The following ANKDD1B variants were observed in gnomAD, a reference collection of about 807,000 sequenced individuals.
ANKDD1B encodes ankyrin repeat and death domain containing 1B.
In ANKDD1B, 57 loss-of-function variants were observed where a neutral mutation model predicts 59.7. That is an observed-to-expected ratio of 0.95 (90% confidence interval 0.77 to 1.19). The LOEUF is 1.19. Ranked by LOEUF, ANKDD1B falls within the 50% of genes most tolerant of loss-of-function variation. ANKDD1B has a pLI of 0.00. For synonymous variants in ANKDD1B, 216 were observed against 239.5 expected (o/e 0.90, Z 0.91); for missense variants, 602 against 641.9 (o/e 0.94, Z 0.67).
intron 3 of ANKDD1B, among the ~76,000 whole-genome samples, chr5:75,620,847 C>G (rs1333568797): frequency 6.6e-6 from 1 of 152,184 alleles, no homozygotes; most frequent in Non-Finnish European, 1.5e-5. Flanking sequence ...ATCACTTTCT[C>G]AGGCTCCATC....
intron 3 of ANKDD1B, among the ~76,000 whole-genome samples, chr5:75,621,377 T>G (rs1008820168): frequency 3.3e-5 from 5 of 152,186 alleles, no homozygotes; most frequent in Non-Finnish European, 5.9e-5. Context: ...GGAAAGTCAC[T>G]GCAGGATTGT....
At chr5:75,623,080 G>T (rs73122755) in intron 3 of ANKDD1B, among the ~76,000 whole-genome samples, 5,491 of 151,366 alleles carry the variant, frequency 0.036, 164 homozygotes, top group African/African-American at 0.076. Context: ...ATTTCTGGTG[G>T]TTTTTTTTTC....
At position 75,611,712 on chromosome 5, in the gene ANKDD1B, G is replaced by A; in HGVS notation, c.78G>A (p.Lys26=). 1 of 1,231,916 alleles carries A rather than the reference G, an allele frequency of 8.1e-7. No individual in the cohort carries two copies. Among genetic ancestry groups the A allele is most frequent in the Middle Eastern group, 3.1e-4 (1 of 3,208 alleles). 76.3% of individuals were successfully genotyped at this position (1,231,916 alleles called of 1,614,324 possible). A position where few individuals can be genotyped will look rare whatever the true frequency, so the allele number is the denominator to read the frequency against. ...GLLLRAAAAA[K]GLREDLWGAA... Reference sequence around the variant, plus strand: ...TGCTCCGGGCTGCTGCGGCCGCCAAGGGTCTCAGGGAAGACCTGTGGGGCG... The same window carrying A: ...TGCTCCGGGCTGCTGCGGCCGCCAAAGGTCTCAGGGAAGACCTGTGGGGCG... Residue 26 remains lysine, a synonymous_variant, in exon 1 of 14, where the codon AAG becomes AAA. Coordinates refer to ENST00000601380, the MANE Select transcript of ANKDD1B (RefSeq NM_001276713.2).
chr5:75,658,690 A>G (rs1775038134), intron 9 of ANKDD1B, among the ~76,000 whole-genome samples: 1 of 152,204 alleles, frequency 6.6e-6, no homozygotes, highest in South Asian at 2.1e-4. Flanking sequence ...TCATTAAATC[A>G]AGCTCAACTA....
At chr5:75,654,790 T>C (rs903903385) in intron 8 of ANKDD1B, among the ~76,000 whole-genome samples, 17 of 152,310 alleles carry the variant, frequency 1.1e-4, no homozygotes, top group African/African-American at 3.8e-4. Flanking sequence ...CTATTCCACT[T>C]GAGCGACGCT....
intron 7 of ANKDD1B, among the ~76,000 whole-genome samples, chr5:75,646,761 A>G (rs1432937414): frequency 9.0e-6 from 1 of 111,528 alleles, no homozygotes; most frequent in African/African-American, 7.2e-5. Flanking sequence ...TTTAAAGTTC[A>G]TATGGAACCA....
intron 1 of ANKDD1B, among the ~76,000 whole-genome samples, chr5:75,612,735 G>A (rs374222297): frequency 1.1e-4 from 17 of 152,098 alleles, no homozygotes; most frequent in African/African-American, 3.9e-4. Context: ...ATAATTTAAG[G>A]TAAGTGCAGT....
At chr5:75,658,280 A>G (rs1164380044) in intron 9 of ANKDD1B, among the ~76,000 whole-genome samples, 1 of 152,190 alleles carries the variant, frequency 6.6e-6, no homozygotes, top group Non-Finnish European at 1.5e-5. Flanking sequence ...TCTGGTAGGA[A>G]GAGTAGTGGG....
intron 3 of ANKDD1B, among the ~76,000 whole-genome samples, chr5:75,621,854 A>G (rs1048855802): frequency 6.6e-6 from 1 of 152,232 alleles, no homozygotes; most frequent in African/African-American, 2.4e-5. Context: ...TTGTCTCTGA[A>G]GCATGACTAT....
chr5:75,648,367 G>A (rs1466402196), intron 7 of ANKDD1B, among the ~76,000 whole-genome samples: 1 of 151,174 alleles, frequency 6.6e-6, no homozygotes, highest in Non-Finnish European at 1.5e-5. Context: ...GTGCCTCCTT[G>A]TCCCCAGTCG....
intron 9 of ANKDD1B, among the ~76,000 whole-genome samples, chr5:75,657,275 T>A (rs938658474): frequency 1.5e-4 from 23 of 152,044 alleles, no homozygotes; most frequent in African/African-American, 4.1e-4. Flanking sequence ...CCAGACTTCA[T>A]CACTTTAATT....
At chr5:75,662,701 T>A (rs890221698) in intron 10 of ANKDD1B, among the ~76,000 whole-genome samples, 1 of 152,140 alleles carries the variant, frequency 6.6e-6, no homozygotes, top group Non-Finnish European at 1.5e-5. Context: ...AAAGTGTACC[T>A]TTTTGTAATT....
chr5:75,625,622 C>A, intron 3 of ANKDD1B, 25 bp from the exon 4 acceptor site: 1 of 1,526,272 alleles, frequency 6.6e-7, no homozygotes, highest in East Asian at 2.4e-5. Flanking sequence ...GTGATAGATT[C>A]TCTTTTTCTG....
chr5:75,669,548 C>T (rs1457406745), intron 13 of ANKDD1B, among the ~76,000 whole-genome samples, 165 bp downstream of exon 13: 2 of 152,190 alleles, frequency 1.3e-5, no homozygotes, highest in Non-Finnish European at 2.9e-5. Context: ...GCAGCTTCTC[C>T]TTTGGGGAAT....
Position 75,611,728 on chromosome 5 carries a change from C to T in ANKDD1B, c.94C>T (p.Leu32=). 1 of 1,231,924 alleles carries T rather than the reference C, an allele frequency of 8.1e-7. No individual in the cohort carries two copies. 76.3% of individuals were successfully genotyped at this position (1,231,924 alleles called of 1,614,324 possible). A position where few individuals can be genotyped will look rare whatever the true frequency, so the allele number is the denominator to read the frequency against. The stretch of plus-strand genomic sequence containing the variant: ...GGCCGCCAAGGGTCTCAGGGAAGAC[C>T]TGTGGGGCGCGGCCGCCCTGCCTTG... ...AAAAKGLRED[L]WGAAALPWRS... Residue 32 remains leucine, a synonymous_variant, in exon 1 of 14, where the codon CTG becomes TTG. Transcript: ENST00000601380.
rs1775409923 is a variant in ANKDD1B at position 75,669,356 on chromosome 5, G to A, written c.1498G>A (p.Val500Ile). The A allele has an allele frequency of 8.1e-7, 1 of 1,231,910 alleles. No homozygotes were observed. The highest frequency in any genetic ancestry group is 1.0e-6 in the Non-Finnish European group (1 of 987,902). The allele number at this position is 1,231,910 out of a possible 1,614,324, so 76.3% of individuals were successfully genotyped here. A position where few individuals can be genotyped will look rare whatever the true frequency, so the allele number is the denominator to read the frequency against. The change falls in exon 13 of 14, where the codon GTA becomes ATA. Residue 500 changes from valine to isoleucine, a missense_variant. Coordinates refer to ENST00000601380, the MANE Select transcript of ANKDD1B (RefSeq NM_001276713.2). ...DPAKQLYEEL[V>I]HAGFPKLAEK... ...GGCCAAGCAACTGTATGAAGAGCTG[G>A]TACACGCAGGTTTCCCAAAACTAGC...
chr5:75,628,951 C>T (rs1011716309), intron 5 of ANKDD1B, among the ~76,000 whole-genome samples: 7 of 152,186 alleles, frequency 4.6e-5, no homozygotes, highest in African/African-American at 1.4e-4. Flanking sequence ...AGGCCTCACA[C>T]GCCATTCATA....
Position 75,671,012 on chromosome 5 carries a change from C to G in ANKDD1B, c.1559C>G (p.Ser520Ter), listed in dbSNP as rs892859418. Reference protein sequence around the residue: ...KTRHFKSKTDSNSKKCVVS With the variant: ...KTRHFKSKTD ...CGTCATTTCAAAAGCAAAACTGACT[C>G]AAACTCCAAGAAATGTGTAGTTTCA... The change falls in exon 14 of 14, where the codon TCA becomes TGA. Residue 520 changes from serine to a stop codon, truncating the protein, a stop_gained. Transcript: ENST00000601380. LOFTEE classifies it high-confidence loss of function. 5.7e-6 allele frequency: 7 copies of G among 1,230,094 alleles called. No individual in the cohort carries two copies. Among genetic ancestry groups the G allele is most frequent in the Non-Finnish European group, 7.1e-6 (7 of 986,246 alleles). The allele number at this position is 1,230,094 out of a possible 1,614,324, so 76.2% of individuals were successfully genotyped here. A position where few individuals can be genotyped will look rare whatever the true frequency, so the allele number is the denominator to read the frequency against.
chr5:75,651,062 G>C (rs953719830), intron 7 of ANKDD1B, among the ~76,000 whole-genome samples: 2 of 152,218 alleles, frequency 1.3e-5, no homozygotes, highest in Non-Finnish European at 2.9e-5. Flanking sequence ...AAAAGGCAGA[G>C]AGCAGCAGCT....
Sources: allele counts gnomAD v4.1 joint callset (sites outside exome capture counted in the v4.1 genomes callset), GRCh38; gene constraint gnomAD v4.1.1; transcripts MANE v1.5; gene names NCBI Gene and HGNC (gene_info 2026-07-23, HGNC 2026-07-21).